Variants in CACNA2D1 observed in about 807,000 individuals in gnomAD.
CACNA2D1 encodes the protein voltage-dependent calcium channel subunit alpha-2/delta-1.
A neutral mutation model predicts 171.5 loss-of-function variants in CACNA2D1; 53 were observed. The observed-to-expected ratio is 0.31, with a 90% confidence interval of 0.25 to 0.39. The LOEUF (loss-of-function observed/expected upper bound fraction) is 0.39, where lower values mean the gene tolerates loss of function less well. Ranked by LOEUF, CACNA2D1 falls within the 10% of genes least tolerant of loss-of-function variation. CACNA2D1 has a pLI of 1.00. For missense variants in CACNA2D1, 903 were observed against 1,299.8 expected (o/e 0.69, Z 4.69); for synonymous variants, 442 against 443.1 (o/e 1.00, Z 0.03).
At chr7:82,102,967 C>G (rs1222394916) in intron 6 of CACNA2D1, among the ~76,000 whole-genome samples, 1 of 152,104 alleles carries the variant, frequency 6.6e-6, no homozygotes, top group Admixed American at 6.5e-5. Context: ...AACCTATATA[C>G]TAGAAAATCC....
intron 3 of CACNA2D1, among the ~76,000 whole-genome samples, chr7:82,312,062 GA>G (rs1394810095): frequency 1.3e-5 from 2 of 152,112 alleles, no homozygotes; most frequent in Non-Finnish European, 2.9e-5. Flanking sequence ...AGTCTAATAT[GA>G]AATTTCATAT....
chr7:82,126,650 T>G (rs1312373884), intron 5 of CACNA2D1, among the ~76,000 whole-genome samples: 6 of 152,216 alleles, frequency 3.9e-5, no homozygotes, highest in African/African-American at 1.2e-4. Context: ...GTATTTATCT[T>G]CTCTGAATTC....
At chr7:82,140,371 T>G (rs546649718) in intron 4 of CACNA2D1, among the ~76,000 whole-genome samples, 95 of 152,178 alleles carry the variant, frequency 6.2e-4, no homozygotes, top group Non-Finnish European at 1.2e-3. Context: ...ACAAACCTCA[T>G]ATGATAAATA....
intron 12 of CACNA2D1, chr7:82,021,003 TATGAC>T (rs1031207915): frequency 6.6e-6 from 1 of 152,198 alleles, no homozygotes; most frequent in African/African-American, 2.4e-5. Flanking sequence ...CCTGTGGGTG[TATGAC>T]ATATTTTCAT....
intron 10 of CACNA2D1, among the ~76,000 whole-genome samples, chr7:82,040,897 C>A (rs533628916): frequency 1.1e-4 from 17 of 152,034 alleles, no homozygotes; most frequent in African/African-American, 4.1e-4. Flanking sequence ...ATCACTTGAA[C>A]CAGGGAGGCG....
intron 5 of CACNA2D1, among the ~76,000 whole-genome samples, chr7:82,127,652 C>G (rs943758289): frequency 6.6e-6 from 1 of 152,062 alleles, no homozygotes; most frequent in African/African-American, 2.4e-5. Flanking sequence ...CTACCATTTG[C>G]TACCTACAAA....
chr7:81,966,862 T>A (rs1172747960), intron 31 of CACNA2D1, among the ~76,000 whole-genome samples: 1 of 151,270 alleles, frequency 6.6e-6, no homozygotes, highest in Non-Finnish European at 1.5e-5. Flanking sequence ...AAACTTCCTA[T>A]CCAGAAATAG....
chr7:82,190,106 G>A (rs147381765), intron 3 of CACNA2D1, among the ~76,000 whole-genome samples: 16 of 151,840 alleles, frequency 1.1e-4, no homozygotes, highest in African/African-American at 3.4e-4. Context: ...GTCATTTTGG[G>A]CCTCTTTAGT....
intron 12 of CACNA2D1, among the ~76,000 whole-genome samples, chr7:82,016,611 C>A (rs1324938067): frequency 4.3e-3 from 2 of 468 alleles, no homozygotes; most frequent in Non-Finnish European, 7.7e-3. Flanking sequence ...TAGCCGCCCG[C>A]CCCCCCCCCC....
At chr7:82,060,714 C>T (rs1327149591) in intron 9 of CACNA2D1, among the ~76,000 whole-genome samples, 187 bp from the exon 10 acceptor site, 2 of 151,896 alleles carry the variant, frequency 1.3e-5, no homozygotes, top group African/African-American at 4.8e-5. Flanking sequence ...AGAAATCCTG[C>T]CTTTTTTTCC....
intron 3 of CACNA2D1, among the ~76,000 whole-genome samples, chr7:82,215,407 G>A (rs777660921): frequency 2.6e-5 from 4 of 152,092 alleles, no homozygotes; most frequent in Non-Finnish European, 4.4e-5. Flanking sequence ...ACAGCAGAAC[G>A]CAGACCAAAC....
chr7:82,161,429 T>C (rs1455474476), intron 4 of CACNA2D1, among the ~76,000 whole-genome samples: 1 of 152,030 alleles, frequency 6.6e-6, no homozygotes, highest in African/African-American at 2.4e-5. Context: ...ATTAATAATC[T>C]CAAGATTATG....
At position 81,969,769 on chromosome 7, in the gene CACNA2D1, G is replaced by C. The variant is rs1012632651; in HGVS notation, c.2308+112C>G. ...TTGCAAATACTCTATTTTTAATGAT[G>C]ACTATTCTGAGTAGTTAACATAAAA... is the stretch of plus-strand genomic sequence containing the variant. On this transcript the variant is annotated intron_variant, in intron 28 of 38. Coordinates refer to ENST00000356860, the MANE Select transcript of CACNA2D1 (RefSeq NM_000722.4). 1.4e-5 allele frequency: 10 copies of C among 699,842 alleles called. No homozygotes were observed. In the African/African-American group the frequency reaches 1.6e-4, roughly 11 times the overall value. 43.4% of individuals were successfully genotyped at this position (699,842 alleles called of 1,614,324 possible). A position where few individuals can be genotyped will look rare whatever the true frequency, so the allele number is the denominator to read the frequency against.
intron 3 of CACNA2D1, among the ~76,000 whole-genome samples, chr7:82,286,829 T>A (rs1249956423): frequency 6.6e-6 from 1 of 152,202 alleles, no homozygotes; most frequent in Non-Finnish European, 1.5e-5. Context: ...CCCATGCCTA[T>A]TTAAGTGTGT....
In CACNA2D1 at chr7:82,413,079, T is replaced by C. The variant is rs557982750; in HGVS notation, c.95+30286A>G. Among the ~76,000 whole-genome samples, 5 of 152,290 alleles carry C rather than the reference T, an allele frequency of 3.3e-5. No individual in the cohort carries two copies. In the South Asian group the frequency reaches 1.0e-3, roughly 32 times the overall value. On this transcript the variant is annotated intron_variant, in intron 1 of 38. Transcript: ENST00000356860. Reference sequence around the variant, plus strand: ...TATTTGAATTAGTCCCATATCTATATATTATTTCTATGTTTTCATGTCGAA... The same window carrying C: ...TATTTGAATTAGTCCCATATCTATACATTATTTCTATGTTTTCATGTCGAA...
intron 10 of CACNA2D1, among the ~76,000 whole-genome samples, 199 bp downstream of exon 10, chr7:82,060,229 A>ATACATATG (rs1806669457): frequency 1.4e-5 from 1 of 72,290 alleles, no homozygotes; most frequent in Non-Finnish European, 2.7e-5. Context: ...TATAATATAT[A>ATACATATG]TATATAATAT....
intron 4 of CACNA2D1, among the ~76,000 whole-genome samples, chr7:82,154,970 T>C (rs1681699188): frequency 6.6e-6 from 1 of 152,150 alleles, no homozygotes; most frequent in African/African-American, 2.4e-5. Context: ...TTCTTATGAA[T>C]GGTTCAGCAC....
intron 10 of CACNA2D1, among the ~76,000 whole-genome samples, chr7:82,040,755 A>C (rs1176279984): frequency 3.9e-5 from 6 of 152,104 alleles, no homozygotes; most frequent in Non-Finnish European, 7.4e-5. Flanking sequence ...CGGGTGGATC[A>C]CCTGAGGTCG....
chr7:82,179,010 GTAT>G (rs946747646), intron 3 of CACNA2D1, among the ~76,000 whole-genome samples: 12 of 151,648 alleles, frequency 7.9e-5, no homozygotes, highest in African/African-American at 2.9e-4. Context: ...TCGTCATTCA[GTAT>G]TATAATACTT....
Sources: allele counts gnomAD v4.1 joint callset (sites outside exome capture counted in the v4.1 genomes callset), GRCh38; gene constraint gnomAD v4.1.1; transcripts MANE v1.5; gene names NCBI Gene and HGNC (gene_info 2026-07-23, HGNC 2026-07-21).